The following SIM1 variants were observed in gnomAD, a reference collection of about 807,000 sequenced individuals.
SIM1 encodes single-minded homolog 1.
Under a neutral mutation model 78.2 loss-of-function variants are expected in SIM1, and 18 were observed. The observed-to-expected ratio is 0.23, with a 90% confidence interval of 0.16 to 0.34. SIM1 has a LOEUF of 0.34. Among genes scored for constraint, SIM1 ranks in the 10% least tolerant of loss-of-function variants. The pLI, the probability that SIM1 is intolerant of heterozygous loss-of-function variation, is 1.00. For missense variants in SIM1, 939 were observed against 975.1 expected (o/e 0.96, Z 0.49); for synonymous variants, 417 against 385.2 (o/e 1.08, Z -0.97).
At position 100,405,999 on chromosome 6, in the gene SIM1, G is replaced by T. The variant is rs1183877087; in HGVS notation, c.1168-12110C>A. ...TCCAAAGGTGATGTCTTAAAGACTT[G>T]CAAGCATTTTCATTGCACTGAATAT... is the stretch of plus-strand genomic sequence containing the variant. On this transcript the variant is annotated intron_variant, in intron 10 of 11. Coordinates refer to ENST00000369208, the MANE Select transcript of SIM1 (RefSeq NM_005068.3). 2.6e-5 allele frequency among the ~76,000 whole-genome samples: 4 copies of T among 152,156 alleles called. No individual in the cohort carries two copies. The East Asian group carries it at 5.8e-4, about 22-fold the overall frequency.
chr6:100,411,146 G>C (rs1771182000), intron 10 of SIM1, among the ~76,000 whole-genome samples: 1 of 152,200 alleles, frequency 6.6e-6, no homozygotes, highest in Non-Finnish European at 1.5e-5. Flanking sequence ...AACTAGGGCT[G>C]AGCCCATAAA....
Position 100,389,913 on chromosome 6 carries a change from A to G in SIM1, c.*448T>C, listed in dbSNP as rs187654762. The G allele has an allele frequency of 1.3e-5, 5 of 396,050 alleles. No homozygotes were observed. Among genetic ancestry groups the G allele is most frequent in the African/African-American group, 1.0e-4 (5 of 48,684 alleles). 24.5% of individuals were successfully genotyped at this position (396,050 alleles called of 1,614,324 possible). A position where few individuals can be genotyped will look rare whatever the true frequency, so the allele number is the denominator to read the frequency against. On this transcript the variant is annotated 3_prime_UTR_variant, in exon 12 of 12. Transcript: ENST00000369208. ...TTCGTTAAGAAGTTTAGTGTGACAGAGTCAAAGAAAATTACCCATTTTTGA... is the reference window on the plus strand; with the variant it reads ...TTCGTTAAGAAGTTTAGTGTGACAGGGTCAAAGAAAATTACCCATTTTTGA...
At position 100,420,866 on chromosome 6, in the gene SIM1, A is replaced by G; in HGVS notation, c.1091T>C (p.Met364Thr). ...FSYTSSSTPT[M>T]TDNRKGAKSR... ...TTTGGCCCCCTTTCTGTTGTCAGTC[A>G]TGGTGGGGGTGGAGCTGCTGGTATA... Residue 364 changes from methionine to threonine, a missense_variant, in exon 10 of 12, where the codon ATG (methionine) becomes ACG (threonine). Physicochemically the swap from Met to Thr is moderately conservative, Grantham distance 81. This residue lies in a region of SIM1 where 556 missense variants were observed against 521.9 expected (regional missense o/e 1.07). Coordinates refer to ENST00000369208, the MANE Select transcript of SIM1 (RefSeq NM_005068.3). The G allele has an allele frequency of 6.2e-7, 1 of 1,614,056 alleles. No homozygotes were observed. Among genetic ancestry groups the G allele is most frequent in the Non-Finnish European group, 8.5e-7 (1 of 1,179,992 alleles).
intron 8 of SIM1, among the ~76,000 whole-genome samples, chr6:100,447,733 G>A (rs1225738238): frequency 6.6e-6 from 1 of 152,244 alleles, no homozygotes; most frequent in African/African-American, 2.4e-5. Flanking sequence ...GCTCTGGGCA[G>A]CTGAGCTCCG....
intron 10 of SIM1, among the ~76,000 whole-genome samples, chr6:100,419,959 T>C (rs189790105): frequency 5.9e-5 from 9 of 152,234 alleles, no homozygotes; most frequent in South Asian, 2.1e-4. Flanking sequence ...GGTTTTATAC[T>C]AGCCCAGGAA....
At chr6:100,417,134 G>A (rs962900050) in intron 10 of SIM1, among the ~76,000 whole-genome samples, 2 of 151,894 alleles carry the variant, frequency 1.3e-5, no homozygotes, top group Non-Finnish European at 2.9e-5. Flanking sequence ...ATTTATTCCT[G>A]CATTTCCTCA....
chr6:100,400,762 C>T (rs757605625), intron 10 of SIM1, among the ~76,000 whole-genome samples: 6 of 152,028 alleles, frequency 3.9e-5, no homozygotes, highest in Admixed American at 6.6e-5. Context: ...AGCTAATAAA[C>T]GGGGAAACAT....
Position 100,392,661 on chromosome 6 carries a change from C to T in SIM1, c.1570+826G>A, listed in dbSNP as rs962660796. On this transcript the variant is annotated intron_variant, in intron 11 of 11. Coordinates refer to ENST00000369208, the MANE Select transcript of SIM1 (RefSeq NM_005068.3). ...GGTTTATTAATGGAAACAATATTGT[C>T]TAGCACATGTCTCATTCTAAAGACA... is the stretch of plus-strand genomic sequence containing the variant. 2.0e-5 allele frequency among the ~76,000 whole-genome samples: 3 copies of T among 152,320 alleles called. No homozygotes were observed. The South Asian group carries it at 6.2e-4, about 32-fold the overall frequency.
intron 9 of SIM1, among the ~76,000 whole-genome samples, chr6:100,425,202 G>A (rs1011587706): frequency 1.3e-5 from 2 of 151,998 alleles, no homozygotes; most frequent in African/African-American, 4.8e-5. Flanking sequence ...TTTACCTCCC[G>A]CCATGATTCT....
chr6:100,420,964 G>T lies in SIM1; in HGVS notation c.999-6C>A, dbSNP rs1435886081. ...GCCCTTTGTATTCTGTGTCTCTGCAGGGTGGGAGGACAAAGCCCTTAATCA... is the reference window on the plus strand; with the variant it reads ...GCCCTTTGTATTCTGTGTCTCTGCATGGTGGGAGGACAAAGCCCTTAATCA... On this transcript the variant is annotated splice_polypyrimidine_tract_variant and splice_region_variant and intron_variant, in intron 9 of 11. Transcript: ENST00000369208. The T allele has an allele frequency of 6.2e-7, 1 of 1,612,074 alleles. No individual in the cohort carries two copies.
chr6:100,394,392 A>G (rs754842334), intron 10 of SIM1, among the ~76,000 whole-genome samples: 26 of 152,062 alleles, frequency 1.7e-4, no homozygotes, highest in African/African-American at 6.3e-4. Context: ...TCCATATTTT[A>G]TTTCTATTTG....
At chr6:100,444,256 C>T (rs967977665) in intron 9 of SIM1, among the ~76,000 whole-genome samples, 3 of 152,002 alleles carry the variant, frequency 2.0e-5, no homozygotes, top group African/African-American at 7.2e-5. Flanking sequence ...GGACTTTCCC[C>T]GACATCCTTG....
intron 9 of SIM1, among the ~76,000 whole-genome samples, chr6:100,443,970 G>T (rs1388154578): frequency 6.6e-6 from 1 of 151,838 alleles, no homozygotes; most frequent in African/African-American, 2.4e-5. Flanking sequence ...TTTTAAATAG[G>T]AATTTTATAC....
chr6:100,452,516 C>G (rs1332572316), intron 3 of SIM1, among the ~76,000 whole-genome samples: 1 of 152,056 alleles, frequency 6.6e-6, no homozygotes, highest in Non-Finnish European at 1.5e-5. Context: ...GGGAGAGATG[C>G]CAGACTGCAG....
intron 9 of SIM1, among the ~76,000 whole-genome samples, chr6:100,428,882 T>C (rs1392381122): frequency 1.3e-5 from 2 of 152,210 alleles, no homozygotes; most frequent in African/African-American, 4.8e-5. Context: ...CTACATGCTG[T>C]AATTGCATGT....
chr6:100,412,061 G>A (rs1398245837), intron 10 of SIM1, among the ~76,000 whole-genome samples: 4 of 152,002 alleles, frequency 2.6e-5, no homozygotes, highest in Admixed American at 2.6e-4. Context: ...GGCAGTGGTG[G>A]GTCTCCAAGT....
chr6:100,406,967 A>G (rs1771067646), intron 10 of SIM1, among the ~76,000 whole-genome samples: 1 of 152,112 alleles, frequency 6.6e-6, no homozygotes, highest in Non-Finnish European at 1.5e-5. Context: ...TACCCTTTTG[A>G]TCAACGTCTC....
intron 7 of SIM1, 23 bp from the exon 8 acceptor site, chr6:100,448,275 G>T: frequency 6.3e-7 from 1 of 1,577,614 alleles, no homozygotes; most frequent in Non-Finnish European, 8.7e-7. Flanking sequence ...ATCCCTGCAG[G>T]ATGAATGCAG....
intron 10 of SIM1, among the ~76,000 whole-genome samples, chr6:100,400,307 A>G (rs1307868473): frequency 6.6e-6 from 1 of 152,064 alleles, no homozygotes; most frequent in African/African-American, 2.4e-5. Flanking sequence ...TAAAGAAGAA[A>G]GCTTCTTGAT....
Sources: gnomAD v4.1 joint callset for allele counts (sites outside exome capture counted in the v4.1 genomes callset) on GRCh38, gnomAD v4.1.1 for gene constraint, gnomAD v4.1.1 regional missense constraint, MANE v1.5 for transcripts, NCBI Gene and HGNC (gene_info 2026-07-23, HGNC 2026-07-21) for gene names.